PHC2: variants seen among roughly 807,000 people sequenced by gnomAD.
PHC2 encodes the protein polyhomeotic homolog 2.
Under a neutral mutation model 87.4 loss-of-function variants are expected in PHC2, and 29 were observed. The observed-to-expected ratio is 0.33, with a 90% CI of 0.25 to 0.45. The LOEUF (loss-of-function observed/expected upper bound fraction) is 0.45. Ranked by LOEUF, PHC2 falls within the 20% of genes least tolerant of loss-of-function variation. PHC2 has a pLI of 1.00. For synonymous variants in PHC2, 438 were observed against 461.7 expected (o/e 0.95, Z 0.66); for missense variants, 857 against 1,136.7 (o/e 0.75, Z 3.54).
At position 33,382,506 on chromosome 1, in the gene PHC2, A is replaced by G. The variant is rs1648540878; in HGVS notation, c.-54-6913T>C. Among the ~76,000 whole-genome samples the G allele has an allele frequency of 6.6e-6, 1 of 152,072 alleles. No individual in the cohort carries two copies. The highest frequency in any genetic ancestry group is 2.1e-4 in the South Asian group (1 of 4,798). ...ACCCATCCCTGCGGACTCCCATTAT[A>G]AATCACAGCCAAATCTCATTAATGG... is the stretch of plus-strand genomic sequence containing the variant. On this transcript the variant is annotated intron_variant, in intron 1 of 14. Transcript: ENST00000683057. The surrounding 1 kb of genome is among the most constrained non-coding windows in gnomAD (Gnocchi z 4.3).
chr1:33,411,979 A>G (rs1179438573), intron 1 of PHC2, among the ~76,000 whole-genome samples: 2 of 152,238 alleles, frequency 1.3e-5, no homozygotes, highest in Non-Finnish European at 2.9e-5. Context: ...GATATCTAAC[A>G]AAAACCTACA....
chr1:33,349,453 A>G lies in PHC2; in HGVS notation c.1558+4948T>C. The G allele has an allele frequency of 1.0e-6, 1 of 985,152 alleles. No individual in the cohort carries two copies. Among genetic ancestry groups the G allele is most frequent in the Non-Finnish European group, 1.2e-6 (1 of 829,838 alleles). The allele number at this position is 985,152 out of a possible 1,614,324, so 61.0% of individuals were successfully genotyped here. ...AGGGCACCTCCCAGGCGCCGCGCGG[A>G]CGAGAGCCGCGACTGGCACGGCCTG... is the stretch of plus-strand genomic sequence containing the variant. On this transcript the variant is annotated intron_variant, in intron 9 of 14. Coordinates refer to ENST00000683057, the MANE Select transcript of PHC2 (RefSeq NM_001385109.1). This position sits in a 1 kb window ranked among gnomAD's most constrained non-coding sequence, Gnocchi z 4.2.
intron 1 of PHC2, among the ~76,000 whole-genome samples, chr1:33,426,318 G>T (rs1650667108): frequency 1.4e-5 from 1 of 70,924 alleles, no homozygotes; most frequent in African/African-American, 4.0e-5. Context: ...CAAAGCTGCT[G>T]GGGGGGGGTC....
intron 2 of PHC2, among the ~76,000 whole-genome samples, chr1:33,375,163 G>T (rs745474163): frequency 5.9e-5 from 9 of 152,044 alleles, no homozygotes; most frequent in African/African-American, 1.2e-4. Context: ...TTTCACACAC[G>T]TGTCCTCCAA....
At chr1:33,412,000 T>C (rs1021667759) in intron 1 of PHC2, among the ~76,000 whole-genome samples, 2 of 152,158 alleles carry the variant, frequency 1.3e-5, no homozygotes, top group Admixed American at 6.5e-5. Flanking sequence ...GCTAACATCA[T>C]ATTTATTAAG....
At position 33,325,012 on chromosome 1, in the gene PHC2, C is replaced by T; in HGVS notation, c.2433G>A (p.Gln811=). ...GGGCACGGAATTCCTCTGCTATCTCCTGGCAGCCTGAGGGGGTACCACCAA... is the reference window on the plus strand; with the variant it reads ...GGGCACGGAATTCCTCTGCTATCTCTTGGCAGCCTGAGGGGGTACCACCAA... ...YEFIRSLPGC[Q]EIAEEFRAQE... The change falls in exon 15 of 15, where the codon CAG becomes CAA. Residue 811 remains glutamine, a synonymous_variant. Coordinates refer to ENST00000683057, the MANE Select transcript of PHC2 (RefSeq NM_001385109.1). 6.2e-7 allele frequency: 1 copy of T among 1,611,028 alleles called. No individual in the cohort carries two copies. Among genetic ancestry groups the T allele is most frequent in the Non-Finnish European group, 8.5e-7 (1 of 1,177,944 alleles).
chr1:33,378,494 G>A (rs570367350), intron 1 of PHC2, among the ~76,000 whole-genome samples: 43 of 152,182 alleles, frequency 2.8e-4, no homozygotes, highest in African/African-American at 8.9e-4. Flanking sequence ...ATTACACACT[G>A]GAAAATCTCA....
At chr1:33,361,507 A>C (rs1018646805) in intron 7 of PHC2, among the ~76,000 whole-genome samples, 1 of 152,068 alleles carries the variant, frequency 6.6e-6, no homozygotes, top group Non-Finnish European at 1.5e-5. Flanking sequence ...CACCTGGCTA[A>C]TTTTTGTAGT....
At chr1:33,425,424 T>G (rs1308479400) in intron 1 of PHC2, among the ~76,000 whole-genome samples, 1 of 152,212 alleles carries the variant, frequency 6.6e-6, no homozygotes, top group Admixed American at 6.5e-5. Context: ...TAAGCTCTTT[T>G]AACAACCATT....
intron 8 of PHC2, 86 bp downstream of exon 8, chr1:33,354,752 C>T: frequency 1.4e-6 from 2 of 1,476,924 alleles, no homozygotes; most frequent in Non-Finnish European, 1.8e-6. Flanking sequence ...TCAGCCTACC[C>T]AGAAGCACCT....
At chr1:33,392,409 T>C (rs1378393896) in intron 1 of PHC2, among the ~76,000 whole-genome samples, 1 of 152,218 alleles carries the variant, frequency 6.6e-6, no homozygotes, top group Non-Finnish European at 1.5e-5. Flanking sequence ...TTCTGTTCCT[T>C]GCAGGTGCTC....
intron 14 of PHC2, 79 bp downstream of exon 14, chr1:33,328,791 T>A: frequency 7.2e-7 from 1 of 1,396,126 alleles, no homozygotes; most frequent in Non-Finnish European, 9.8e-7. Context: ...AACTACCTAA[T>A]CCTCCTGGTG....
rs1647677911 is a variant in PHC2 at position 33,369,282 on chromosome 1, C to G, written c.577-660G>C. Among the ~76,000 whole-genome samples the G allele has an allele frequency of 6.6e-6, 1 of 152,220 alleles. No homozygotes were observed. The highest frequency in any genetic ancestry group is 2.4e-5 in the African/African-American group (1 of 41,446). On this transcript the variant is annotated intron_variant, in intron 5 of 14. Coordinates refer to ENST00000683057, the MANE Select transcript of PHC2 (RefSeq NM_001385109.1). The surrounding 1 kb of genome is among the most constrained non-coding windows in gnomAD (Gnocchi z 4.7). ...CCTCGACCTCCGTGGGAGTCTAGCTCTGCATCAGTGTGGATGTGCTGGTGC... is the reference window on the plus strand; with the variant it reads ...CCTCGACCTCCGTGGGAGTCTAGCTGTGCATCAGTGTGGATGTGCTGGTGC...
chr1:33,383,684 T>C (rs543444179), intron 1 of PHC2, among the ~76,000 whole-genome samples: 19 of 152,352 alleles, frequency 1.2e-4, no homozygotes, highest in African/African-American at 3.8e-4. Flanking sequence ...TGGGCAGCCC[T>C]GGACTCACTG....
chr1:33,334,592 C>G lies in PHC2; in HGVS notation c.1559-300G>C, dbSNP rs1646583631. On this transcript the variant is annotated intron_variant, in intron 9 of 14. Transcript: ENST00000683057. The surrounding 1 kb of genome is among the most constrained non-coding windows in gnomAD (Gnocchi z 5.5). ...TAACCCGGATAAACAGACGGGAATT[C>G]TATCTTTGAGGAGTTAAGACCTTGG... is the stretch of plus-strand genomic sequence containing the variant. 6.6e-6 allele frequency among the ~76,000 whole-genome samples: 1 copy of G among 152,230 alleles called. No individual in the cohort carries two copies. The highest frequency in any genetic ancestry group is 2.1e-4 in the South Asian group (1 of 4,832).
chr1:33,428,464 C>A (rs537579706), intron 1 of PHC2, among the ~76,000 whole-genome samples: 14 of 152,280 alleles, frequency 9.2e-5, no homozygotes, highest in African/African-American at 3.4e-4. Flanking sequence ...CAAAAACTCA[C>A]CATAATCCAT....
At chr1:33,347,801 G>T in intron 9 of PHC2, 1 of 888,734 alleles carries the variant, frequency 1.1e-6, no homozygotes, top group African/African-American at 1.8e-5. Context: ...GGTGCCAAAA[G>T]AGCACCACTC....
At chr1:33,405,607 C>A (rs1489930303) in intron 1 of PHC2, among the ~76,000 whole-genome samples, 1 of 152,090 alleles carries the variant, frequency 6.6e-6, no homozygotes, top group Admixed American at 6.6e-5. Flanking sequence ...CTTCTACCTT[C>A]TTCAGATTTA....
chr1:33,329,853 G>C (rs772850036), intron 13 of PHC2, among the ~76,000 whole-genome samples: 1 of 152,194 alleles, frequency 6.6e-6, no homozygotes, highest in African/African-American at 2.4e-5. Flanking sequence ...GTTGAGGCAA[G>C]GCCACGGAAG....
Sources: allele counts gnomAD v4.1 joint callset (sites outside exome capture counted in the v4.1 genomes callset), GRCh38; gene constraint gnomAD v4.1.1; non-coding constraint Gnocchi (gnomAD v3.1); transcripts MANE v1.5; gene names NCBI Gene and HGNC (gene_info 2026-07-23, HGNC 2026-07-21).